RTTN: variants seen among roughly 807,000 people sequenced by gnomAD.
RTTN encodes rotatin.
RTTN carries 182 observed loss-of-function variants against 269.2 expected under a neutral mutation model. The observed-to-expected ratio is 0.68, with a 90% CI of 0.60 to 0.76. The LOEUF is 0.76. RTTN is among the 30% of genes least tolerant of loss of function. RTTN has a pLI of 0.00. For missense variants in RTTN, 2,545 were observed against 2,608.6 expected, an observed-to-expected ratio of 0.98 and a Z score of 0.53; for synonymous variants, 1,006 against 963.5, an observed-to-expected ratio of 1.04 and a Z score of -0.82.
At chr18:70,204,313 T>A in intron 2 of RTTN, 50 bp from the exon 3 acceptor site, 1 of 1,491,270 alleles carries the variant, frequency 6.7e-7, no homozygotes, top group Non-Finnish European at 9.1e-7. Flanking sequence ...AAAATCTCTA[T>A]AACTTACAGC....
At chr18:70,139,481 C>A in intron 21 of RTTN, 118 bp downstream of exon 21, 1 of 651,678 alleles carries the variant, frequency 1.5e-6, no homozygotes, top group South Asian at 2.1e-5. Flanking sequence ...GTAGTGTATT[C>A]ACTAATAAAT....
At chr18:70,049,288 C>T (rs2057586453) in intron 39 of RTTN, among the ~76,000 whole-genome samples, 1 of 152,130 alleles carries the variant, frequency 6.6e-6, no homozygotes, top group Admixed American at 6.5e-5. Flanking sequence ...ATGTGGGTAG[C>T]ATCATGCTTT....
chr18:70,092,779 C>A lies in RTTN; in HGVS notation c.3929G>T (p.Arg1310Leu), dbSNP rs202141467. 3.1e-6 allele frequency: 5 copies of A among 1,609,566 alleles called. No individual in the cohort carries two copies. The highest frequency in any genetic ancestry group is 3.3e-5 in the Admixed American group (2 of 59,882). ...LEVITSFYVE[R>L]GGNAMSFMGK... ...CATGAAGGACATAGCATTTCCTCCA[C>A]GCTCCACATAAAAAGAAGTAATGAC... The change falls in exon 29 of 49, where the codon CGT becomes CTT. Residue 1310 changes from arginine to leucine, a missense_variant. By Grantham distance (102) the Arg-to-Leu change is moderately radical. Coordinates refer to ENST00000640769, the MANE Select transcript of RTTN (RefSeq NM_173630.4).
At chr18:70,034,194 C>G (rs2057103534) in intron 40 of RTTN, among the ~76,000 whole-genome samples, 1 of 152,136 alleles carries the variant, frequency 6.6e-6, no homozygotes, top group African/African-American at 2.4e-5. Flanking sequence ...GGAACTCCTC[C>G]TCAATTCATT....
At chr18:70,067,487 C>A (rs1599367809) in intron 34 of RTTN, among the ~76,000 whole-genome samples, 1 of 152,114 alleles carries the variant, frequency 6.6e-6, no homozygotes, top group African/African-American at 2.4e-5. Context: ...AATATATTTG[C>A]CTACAATTTG....
chr18:70,008,948 A>G (rs962129732), intron 46 of RTTN: 1 of 152,296 alleles, frequency 6.6e-6, no homozygotes, highest in South Asian at 2.1e-4. Flanking sequence ...AGCAACCCCA[A>G]GACACATAAT....
In RTTN at chr18:70,134,554, A is replaced by T. The variant is rs374263761; in HGVS notation, c.2886-13T>A. ...AGGATTAACAGACCTATTTCATAAA[A>T]GAAAAACAAAAACAAAGAAACAACT... On this transcript the variant is annotated splice_polypyrimidine_tract_variant and intron_variant, in intron 22 of 48. Coordinates refer to ENST00000640769, the MANE Select transcript of RTTN (RefSeq NM_173630.4). 1 of 1,590,654 alleles carries T rather than the reference A, an allele frequency of 6.3e-7. No homozygotes were observed. Among genetic ancestry groups the T allele is most frequent in the African/African-American group, 1.4e-5 (1 of 73,490 alleles).
At position 70,080,928 on chromosome 18, in the gene RTTN, T is replaced by TCACACACA. The variant is rs138851066; in HGVS notation, c.4375-5395_4375-5388dup. ...AGTGGATAAACTGGTGTGTGTGGTATCACACACACACACACACACACACAC... is the reference window on the plus strand; with the variant it reads ...AGTGGATAAACTGGTGTGTGTGGTATCACACACACACACACACACACACACACACACAC... On this transcript the variant is annotated intron_variant, in intron 32 of 48. Coordinates refer to ENST00000640769, the MANE Select transcript of RTTN (RefSeq NM_173630.4). Among the ~76,000 whole-genome samples, 1,072 of 146,854 alleles carry TCACACACA rather than the reference T, an allele frequency of 7.3e-3. 7 individuals are homozygous for TCACACACA. Among genetic ancestry groups the TCACACACA allele is most frequent in the Middle Eastern group, 0.01 (3 of 290 alleles).
chr18:70,039,830 A>G (rs1248043018), intron 40 of RTTN, among the ~76,000 whole-genome samples: 1 of 152,178 alleles, frequency 6.6e-6, no homozygotes, highest in Non-Finnish European at 1.5e-5. Flanking sequence ...AGATAAAGTT[A>G]AAGTGTAGAG....
chr18:70,082,563 G>A (rs895101191), intron 32 of RTTN, among the ~76,000 whole-genome samples: 1 of 152,202 alleles, frequency 6.6e-6, no homozygotes, highest in Non-Finnish European at 1.5e-5. Flanking sequence ...CCACATTCAG[G>A]AGTCTTAACT....
At chr18:70,057,331 T>G (rs907795715) in intron 37 of RTTN, among the ~76,000 whole-genome samples, 6 of 152,228 alleles carry the variant, frequency 3.9e-5, no homozygotes, top group African/African-American at 1.2e-4. Flanking sequence ...TTTTATCAAA[T>G]TGGGTTTTGA....
At chr18:70,135,127 T>C (rs533964610) in intron 22 of RTTN, 57 bp downstream of exon 22, 3 of 977,952 alleles carry the variant, frequency 3.1e-6, no homozygotes, top group African/African-American at 3.5e-5. Context: ...TAAGATTACA[T>C]CAGATACCTG....
At chr18:70,133,213 A>G (rs149285829) in intron 23 of RTTN, among the ~76,000 whole-genome samples, 6 of 152,264 alleles carry the variant, frequency 3.9e-5, no homozygotes, top group African/African-American at 1.4e-4. Flanking sequence ...CATTCTAAGC[A>G]TGACTACTGC....
At chr18:70,046,081 T>C (rs1299716500) in intron 40 of RTTN, among the ~76,000 whole-genome samples, 3 of 152,136 alleles carry the variant, frequency 2.0e-5, no homozygotes, top group Admixed American at 2.0e-4. Flanking sequence ...GCGTATACTA[T>C]TATAAACTGA....
At chr18:70,125,714 G>A (rs2059847701) in intron 25 of RTTN, among the ~76,000 whole-genome samples, 1 of 151,820 alleles carries the variant, frequency 6.6e-6, no homozygotes, top group Non-Finnish European at 1.5e-5. Flanking sequence ...CATGATTTAT[G>A]GGAATCTTCT....
intron 28 of RTTN, among the ~76,000 whole-genome samples, chr18:70,100,033 C>T (rs1161168455): frequency 6.6e-6 from 1 of 152,162 alleles, no homozygotes; most frequent in Non-Finnish European, 1.5e-5. Context: ...CAGCTTTGTT[C>T]TTTGGCTTAG....
chr18:70,025,396 A>G (rs1311906031), intron 43 of RTTN, among the ~76,000 whole-genome samples: 3 of 152,214 alleles, frequency 2.0e-5, no homozygotes, highest in African/African-American at 7.2e-5. Flanking sequence ...AAGATCAGTT[A>G]CCCTGGGACA....
intron 28 of RTTN, among the ~76,000 whole-genome samples, chr18:70,106,228 C>A (rs2059317066): frequency 6.6e-6 from 1 of 152,076 alleles, no homozygotes; most frequent in African/African-American, 2.4e-5. Flanking sequence ...ACCTGTGGCC[C>A]CAGCTACTTG....
chr18:70,032,147 T>C (rs55784385), intron 40 of RTTN, among the ~76,000 whole-genome samples: 25,788 of 152,172 alleles, frequency 0.17, 2,412 homozygotes, highest in Middle Eastern at 0.4. Context: ...CTTGCTCCCA[T>C]AGGAGACTTT....
Sources: gnomAD v4.1 joint callset for allele counts (sites outside exome capture counted in the v4.1 genomes callset) on GRCh38, gnomAD v4.1.1 for gene constraint, MANE v1.5 for transcripts, NCBI Gene and HGNC (gene_info 2026-07-23, HGNC 2026-07-21) for gene names.